PAXBP1: variants seen among roughly 807,000 people sequenced by gnomAD.
PAXBP1 encodes the protein PAX3 and PAX7 binding protein 1, also known as PAX3- and PAX7-binding protein 1.
A neutral mutation model predicts 119.9 loss-of-function variants in PAXBP1; 44 were observed. The observed-to-expected ratio is 0.37, with a 90% confidence interval of 0.29 to 0.47. The LOEUF (loss-of-function observed/expected upper bound fraction) is 0.47. Among genes scored for constraint, PAXBP1 ranks in the 20% least tolerant of loss-of-function variants. PAXBP1 has a pLI of 0.99. For synonymous variants in PAXBP1, 393 were observed against 406.6 expected (o/e 0.97, Z 0.40); for missense variants, 898 against 1,134.1 (o/e 0.79, Z 2.99).
intron 8 of PAXBP1, among the ~76,000 whole-genome samples, chr21:32,753,240 C>T (rs2043985663): frequency 1.3e-5 from 2 of 151,888 alleles, no homozygotes; most frequent in Admixed American, 1.3e-4. Context: ...TGGTGGATCA[C>T]GAGGTCAGGA....
intron 5 of PAXBP1, among the ~76,000 whole-genome samples, chr21:32,760,426 C>T (rs2044120575): frequency 1.3e-5 from 2 of 152,244 alleles, no homozygotes; most frequent in South Asian, 4.1e-4. Flanking sequence ...ACACTATTAA[C>T]AAAAATAGGT....
intron 13 of PAXBP1, among the ~76,000 whole-genome samples, chr21:32,744,260 T>TAAA (rs762993580): frequency 2.4e-4 from 14 of 57,578 alleles, no homozygotes; most frequent in South Asian, 1.3e-3. Context: ...GCTGATGAGC[T>TAAA]AAAAAAAAAA....
Position 32,745,560 on chromosome 21 carries a change from A to G in PAXBP1, c.2068+14T>C, listed in dbSNP as rs779172668. On this transcript the variant is annotated intron_variant, in intron 12 of 17. Transcript: ENST00000331923. ...GTGTGTCTGAATGCTCAATTCAGAGAACAGGAGATTTACCTGTTAGTTTAG... is the reference window on the plus strand; with the variant it reads ...GTGTGTCTGAATGCTCAATTCAGAGGACAGGAGATTTACCTGTTAGTTTAG... The G allele has an allele frequency of 1.2e-5, 19 of 1,613,652 alleles. No homozygotes were observed. In the East Asian group the frequency reaches 4.2e-4, roughly 36 times the overall value.
intron 2 of PAXBP1, 53 bp from the exon 3 acceptor site, chr21:32,764,577 A>G: frequency 7.2e-7 from 1 of 1,398,090 alleles, no homozygotes; most frequent in Admixed American, 2.6e-5. Context: ...TAAATTAAGA[A>G]AGTTTATTCC....
rs1202092904 is a variant in PAXBP1 at position 32,759,236 on chromosome 21, A to G, written c.1227T>C (p.Asn409=). Residue 409 remains asparagine (N), a synonymous_variant, in exon 7 of 18, where the codon AAT becomes AAC. Coordinates refer to ENST00000331923, the MANE Select transcript of PAXBP1 (RefSeq NM_016631.4). ...LDSMKELHKT[N]RQQHEKHLQS... is the part of the protein sequence containing the mutation. Reference sequence around the variant, plus strand: ...GCAGATGTTTCTCATGCTGCTGTCGATTTGTTTTGTGCAATTCTTTCATGG... The same window carrying G: ...GCAGATGTTTCTCATGCTGCTGTCGGTTTGTTTTGTGCAATTCTTTCATGG... The G allele has an allele frequency of 4.3e-6, 7 of 1,613,812 alleles. No homozygotes were observed. The highest frequency in any genetic ancestry group is 5.9e-6 in the Non-Finnish European group (7 of 1,179,906).
intron 13 of PAXBP1, 57 bp from the exon 14 acceptor site, chr21:32,743,811 G>A (rs990275514): frequency 1.0e-6 from 1 of 976,164 alleles, no homozygotes; most frequent in African/African-American, 1.6e-5. Flanking sequence ...AGAAAAATAA[G>A]CCATATTCCA....
intron 7 of PAXBP1, chr21:32,756,708 G>C (rs1477074765): frequency 4.7e-6 from 1 of 213,600 alleles, no homozygotes; most frequent in Non-Finnish European, 9.3e-6. Flanking sequence ...ATGAGCCTGA[G>C]GCATTCTTTT....
chr21:32,737,183 T>G, intron 17 of PAXBP1, 71 bp downstream of exon 17: 1 of 1,208,456 alleles, frequency 8.3e-7, no homozygotes, highest in Non-Finnish European at 1.1e-6. Context: ...ACATCTCTAC[T>G]TAAAACATTT....
chr21:32,751,177 C>G lies in PAXBP1; in HGVS notation c.1549G>C (p.Asp517His), dbSNP rs778420280. 1 of 1,614,096 alleles carries G rather than the reference C, an allele frequency of 6.2e-7. No homozygotes were observed. Among genetic ancestry groups the G allele is most frequent in the Admixed American group, 1.7e-5 (1 of 60,026 alleles). Residue 517 changes from aspartate (D) to histidine (H), a missense_variant, in exon 9 of 18, where the codon GAT becomes CAT. Physicochemically the swap from Asp to His is moderately conservative, Grantham distance 81. Around this residue, in one of 2 missense-constraint regions of PAXBP1, gnomAD observed 599 missense variants for 852.7 expected, o/e 0.70. Coordinates refer to ENST00000331923, the MANE Select transcript of PAXBP1 (RefSeq NM_016631.4). ...GCATGCTCTTGATACAGTGCCCGATCGCGTCCAAAGGAGTCAAGATTTGGT... is the reference window on the plus strand; with the variant it reads ...GCATGCTCTTGATACAGTGCCCGATGGCGTCCAAAGGAGTCAAGATTTGGT... ...MAPNLDSFGRDRALYQEHAKR... is the reference protein window; with the variant it reads ...MAPNLDSFGRHRALYQEHAKR...
At chr21:32,747,511 A>G (rs1353795117) in intron 11 of PAXBP1, among the ~76,000 whole-genome samples, 4 of 152,320 alleles carry the variant, frequency 2.6e-5, no homozygotes, top group African/African-American at 9.6e-5. Context: ...AAAACTTCAG[A>G]AGGTCTGGCC....
Position 32,745,689 on chromosome 21 carries a change from C to T in PAXBP1, c.1953G>A (p.Leu651=), listed in dbSNP as rs2043861254. Residue 651 remains leucine (L), a synonymous_variant, in exon 12 of 18, where the codon CTG becomes CTA. Coordinates refer to ENST00000331923, the MANE Select transcript of PAXBP1 (RefSeq NM_016631.4). The part of the protein sequence containing the change: ...EAKCRDFENM[L]WFESLLFYGC... ...CATAAAACAGCAAAGATTCAAACCA[C>T]AGCATATTCTCAAAGTCACGACATT... 2 of 1,613,992 alleles carry T rather than the reference C, an allele frequency of 1.2e-6. No homozygotes were observed. The highest frequency in any genetic ancestry group is 1.7e-6 in the Non-Finnish European group (2 of 1,179,928).
intron 2 of PAXBP1, among the ~76,000 whole-genome samples, chr21:32,766,856 T>C (rs1019907653): frequency 9.9e-5 from 15 of 152,236 alleles, no homozygotes; most frequent in African/African-American, 2.9e-4. Context: ...ATCTTGCCAA[T>C]AGCCCCTCCT....
At chr21:32,758,288 T>C (rs1480949211) in intron 7 of PAXBP1, among the ~76,000 whole-genome samples, 1 of 151,690 alleles carries the variant, frequency 6.6e-6, no homozygotes, top group African/African-American at 2.4e-5. Flanking sequence ...AATCCAAAGT[T>C]CAGACAGGAT....
chr21:32,762,436 C>T (rs1393609888), intron 3 of PAXBP1, 119 bp from the exon 4 acceptor site: 38 of 1,322,692 alleles, frequency 2.9e-5, no homozygotes, highest in Non-Finnish European at 3.7e-5. Context: ...CAGCTGCTGG[C>T]ACCTCCTTCC....
At position 32,762,175 on chromosome 21, in the gene PAXBP1, A is replaced by G. The variant is rs2044160434; in HGVS notation, c.792T>C (p.Asp264=). 3 of 1,614,166 alleles carry G rather than the reference A, an allele frequency of 1.9e-6. No individual in the cohort carries two copies. Among genetic ancestry groups the G allele is most frequent in the Admixed American group, 1.7e-5 (1 of 60,018 alleles). ...TCCGGCGTTTCTCATCGTCATCTTC[A>G]TCATCACTGGCATCATTCTCATCTT... The part of the protein sequence containing the change: ...VREDENDASD[D]EDDDEKRRIV... Residue 264 remains aspartate (D), a synonymous_variant, in exon 4 of 18, where the codon GAT becomes GAC. Coordinates refer to ENST00000331923, the MANE Select transcript of PAXBP1 (RefSeq NM_016631.4).
rs186155213 is a variant in PAXBP1, at chr21:32,759,631, A to C, written c.1193+146T>G. 1.5e-3 allele frequency: 1,101 copies of C among 727,018 alleles called. 2 individuals are homozygous for C. Among genetic ancestry groups the C allele is most frequent in the Non-Finnish European group, 2.2e-3 (971 of 435,856 alleles). 45.0% of individuals were successfully genotyped at this position (727,018 alleles called of 1,614,324 possible). A position where few individuals can be genotyped will look rare whatever the true frequency, so the allele number is the denominator to read the frequency against. On this transcript the variant is annotated intron_variant, in intron 6 of 17. Coordinates refer to ENST00000331923, the MANE Select transcript of PAXBP1 (RefSeq NM_016631.4). ...GTAATCCAAGAAGGTAGCAGAACAAAGTATGAAGTCATCTTCTGTTTAGCT... is the reference window on the plus strand; with the variant it reads ...GTAATCCAAGAAGGTAGCAGAACAACGTATGAAGTCATCTTCTGTTTAGCT...
chr21:32,759,121 G>A lies in PAXBP1; in HGVS notation c.1342C>T (p.Arg448Ter). ...GERYKFLQEM[R>*]GYVQDLLECF... ...TCAAGCAAGTCTTGGACATACCCTC[G>A]CATTTCTTGCAAAAATTTATACCGT... Residue 448 changes from arginine (R) to a stop codon, truncating the protein, a stop_gained, in exon 7 of 18, where the codon CGA becomes TGA. Coordinates refer to ENST00000331923, the MANE Select transcript of PAXBP1 (RefSeq NM_016631.4). LOFTEE classifies it high-confidence loss of function. 1.2e-6 allele frequency: 2 copies of A among 1,613,770 alleles called. No homozygotes were observed. Among genetic ancestry groups the A allele is most frequent in the East Asian group, 2.2e-5 (1 of 44,866 alleles).
chr21:32,753,542 C>T (rs1390034310), intron 8 of PAXBP1, among the ~76,000 whole-genome samples: 4 of 152,084 alleles, frequency 2.6e-5, no homozygotes, highest in African/African-American at 9.7e-5. Flanking sequence ...ATAGCCTCCT[C>T]CATTTCTGTA....
At chr21:32,735,128 C>T in intron 17 of PAXBP1, 61 bp from the exon 18 acceptor site, 1 of 1,168,904 alleles carries the variant, frequency 8.6e-7, no homozygotes, top group Non-Finnish European at 1.2e-6. Context: ...AAATTTGCTA[C>T]TGATTTCATG....
Sources: gnomAD v4.1 joint callset for allele counts (sites outside exome capture counted in the v4.1 genomes callset) on GRCh38, gnomAD v4.1.1 for gene constraint, gnomAD v4.1.1 regional missense constraint, MANE v1.5 for transcripts, NCBI Gene and HGNC (gene_info 2026-07-23, HGNC 2026-07-21) for gene names.